KCNK13: variants seen among roughly 807,000 people sequenced by gnomAD.
KCNK13 encodes potassium two pore domain channel subfamily K member 13.
KCNK13 carries 12 observed loss-of-function variants against 23.4 expected under a neutral mutation model. That is an observed-to-expected ratio of 0.51 (90% CI 0.33 to 0.83). KCNK13 has a LOEUF of 0.83. Among genes scored for constraint, KCNK13 ranks in the 40% least tolerant of loss-of-function variants. The pLI is 0.02. For synonymous variants in KCNK13, 231 were observed against 229.5 expected, an observed-to-expected ratio of 1.01 and a Z score of -0.06; for missense variants, 463 against 556.3, an observed-to-expected ratio of 0.83 and a Z score of 1.69.
At chr14:90,072,410 A>T (rs1194847839) in intron 1 of KCNK13, among the ~76,000 whole-genome samples, 1 of 152,172 alleles carries the variant, frequency 6.6e-6, no homozygotes, top group African/African-American at 2.4e-5. Context: ...TGGAGAGAGC[A>T]GCCCCAACAC....
intron 1 of KCNK13, among the ~76,000 whole-genome samples, chr14:90,079,850 C>A (rs747216418): frequency 2.6e-4 from 40 of 152,206 alleles, no homozygotes; most frequent in Non-Finnish European, 4.6e-4. Context: ...GTTTTCATGA[C>A]AGACACTTAA....
chr14:90,161,062 T>C (rs1320605324), intron 1 of KCNK13, among the ~76,000 whole-genome samples: 1 of 152,062 alleles, frequency 6.6e-6, no homozygotes, highest in East Asian at 1.9e-4. Context: ...CATGGATGGA[T>C]AAATGGATAA....
rs1889494112 is a variant in KCNK13, at chr14:90,102,503, AC to A, written c.334+39967del. 5.3e-5 allele frequency among the ~76,000 whole-genome samples: 8 copies of A among 152,152 alleles called. No individual in the cohort carries two copies. The South Asian group carries it at 1.7e-3, about 32-fold the overall frequency. On this transcript the variant is annotated intron_variant, in intron 1 of 1. Transcript: ENST00000282146. Reference sequence around the variant, plus strand: ...TCTAGCACCCATCATCTCAATCCCTACCCTATGCAGCCACCTTCAGGATGTT... The same window carrying A: ...TCTAGCACCCATCATCTCAATCCCTACCTATGCAGCCACCTTCAGGATGTT...
intron 1 of KCNK13, among the ~76,000 whole-genome samples, chr14:90,099,275 C>T (rs1308623072): frequency 2.0e-5 from 3 of 152,120 alleles, no homozygotes; most frequent in Non-Finnish European, 4.4e-5. Context: ...GAGGAATGTT[C>T]AGGACTGTGC....
At chr14:90,063,272 CG>C (rs1360831462) in intron 1 of KCNK13, among the ~76,000 whole-genome samples, 5 of 151,996 alleles carry the variant, frequency 3.3e-5, no homozygotes, top group African/African-American at 1.2e-4. Context: ...GGGATGGAGG[CG>C]GGGGTAGGAC....
At chr14:90,087,129 C>CATATATATAT (rs141670518) in intron 1 of KCNK13, among the ~76,000 whole-genome samples, 10 of 124,680 alleles carry the variant, frequency 8.0e-5, no homozygotes, top group East Asian at 4.6e-4. Context: ...TATATATATA[C>CATATATATAT]ATATATATAT....
At chr14:90,064,992 G>T (rs1000175255) in intron 1 of KCNK13, among the ~76,000 whole-genome samples, 5 of 152,130 alleles carry the variant, frequency 3.3e-5, no homozygotes, top group African/African-American at 1.2e-4. Flanking sequence ...TGAAAAAGCT[G>T]AAGGTTCAGG....
At chr14:90,126,023 T>TAA (rs34865130) in intron 1 of KCNK13, among the ~76,000 whole-genome samples, 6 of 145,404 alleles carry the variant, frequency 4.1e-5, no homozygotes, top group African/African-American at 1.5e-4. Context: ...AGACGCTATT[T>TAA]AAAAAAAAAA....
At chr14:90,087,012 C>T (rs1043265500) in intron 1 of KCNK13, among the ~76,000 whole-genome samples, 1 of 151,458 alleles carries the variant, frequency 6.6e-6, no homozygotes, top group Non-Finnish European at 1.5e-5. Context: ...TCCATTCCCT[C>T]CACCTGATAG....
intron 1 of KCNK13, among the ~76,000 whole-genome samples, chr14:90,165,691 G>A (rs1352358160): frequency 6.6e-6 from 1 of 152,188 alleles, no homozygotes; most frequent in Non-Finnish European, 1.5e-5. Flanking sequence ...TAGAAGTTAA[G>A]AAGCACTGGA....
chr14:90,170,811 A>G (rs1890356848), intron 1 of KCNK13, among the ~76,000 whole-genome samples: 1 of 151,248 alleles, frequency 6.6e-6, no homozygotes, highest in Non-Finnish European at 1.5e-5. Context: ...GGGCAGGGGA[A>G]CAATCAGATA....
chr14:90,062,658 G>GA lies in KCNK13; in HGVS notation c.334+120dup. On this transcript the variant is annotated intron_variant, in intron 1 of 1. Transcript: ENST00000282146. This position sits in a 1 kb window ranked among gnomAD's most constrained non-coding sequence, Gnocchi z 4.5. ...TCTGGGCGCCCAGCCAGACTCCACT[G>GA]ACATGAGCTGTCGCCTGATCAACAG... 1 of 724,500 alleles carries GA rather than the reference G, an allele frequency of 1.4e-6. No individual in the cohort carries two copies. Among genetic ancestry groups the GA allele is most frequent in the South Asian group, 2.4e-5 (1 of 42,410 alleles). 44.9% of individuals were successfully genotyped at this position (724,500 alleles called of 1,614,324 possible). A position where few individuals can be genotyped will look rare whatever the true frequency, so the allele number is the denominator to read the frequency against.
At chr14:90,133,473 C>A (rs945866935) in intron 1 of KCNK13, among the ~76,000 whole-genome samples, 3 of 151,430 alleles carry the variant, frequency 2.0e-5, no homozygotes, top group Admixed American at 6.6e-5. Context: ...GAGATGGTTG[C>A]ACAACTCTGA....
Position 90,087,147 on chromosome 14 carries a change from TATATA to T in KCNK13, c.334+24609_334+24613del, listed in dbSNP as rs1331602438. The stretch of plus-strand genomic sequence containing the variant: ...ATATATACATATATATATATATATA[TATATA>T]TATTTTTTTTTTTTATTGAGATGGG... On this transcript the variant is annotated intron_variant, in intron 1 of 1. Transcript: ENST00000282146. Among the ~76,000 whole-genome samples the T allele has an allele frequency of 8.5e-3, 1,017 of 119,832 alleles. 22 individuals are homozygous for T. Among genetic ancestry groups the T allele is most frequent in the African/African-American group, 0.031 (927 of 29,882 alleles). 78.6% of individuals were successfully genotyped at this position (119,832 alleles called of 152,430 possible).
At chr14:90,111,033 A>G (rs2140412478) in intron 1 of KCNK13, among the ~76,000 whole-genome samples, 1 of 152,052 alleles carries the variant, frequency 6.6e-6, no homozygotes, top group East Asian at 1.9e-4. Flanking sequence ...AAAATCCCTG[A>G]ATCTCTGAGT....
intron 1 of KCNK13, among the ~76,000 whole-genome samples, chr14:90,077,867 A>C (rs1165239448): frequency 6.6e-6 from 1 of 152,124 alleles, no homozygotes; most frequent in Non-Finnish European, 1.5e-5. Flanking sequence ...CCTGTTTACT[A>C]TAAGCCACTC....
In KCNK13 at chr14:90,163,430, A is replaced by T. The variant is rs551364143; in HGVS notation, c.335-20681A>T. ...GAGAGCCTCTGAGATATGGTTCAGG[A>T]TTTAAATCATTCTCTTCAGTGCCTT... On this transcript the variant is annotated intron_variant, in intron 1 of 1. Coordinates refer to ENST00000282146, the MANE Select transcript of KCNK13 (RefSeq NM_022054.4). Among the ~76,000 whole-genome samples, 8 of 152,312 alleles carry T rather than the reference A, an allele frequency of 5.3e-5. No individual in the cohort carries two copies. The South Asian group carries it at 1.7e-3, about 32-fold the overall frequency.
In KCNK13 at chr14:90,185,065, G is replaced by T; in HGVS notation, c.*62G>T. 7.1e-7 allele frequency: 1 copy of T among 1,401,098 alleles called. No homozygotes were observed. 86.8% of individuals were successfully genotyped at this position (1,401,098 alleles called of 1,614,324 possible). ...AATGGAGGATGATTGCCGCCCAGGGGACGAGCTCAGCCCTGCGCCTTGGCT... is the reference window on the plus strand; with the variant it reads ...AATGGAGGATGATTGCCGCCCAGGGTACGAGCTCAGCCCTGCGCCTTGGCT... On this transcript the variant is annotated 3_prime_UTR_variant, in exon 2 of 2. Coordinates refer to ENST00000282146, the MANE Select transcript of KCNK13 (RefSeq NM_022054.4).
intron 1 of KCNK13, among the ~76,000 whole-genome samples, chr14:90,127,725 G>A (rs1249028453): frequency 1.3e-5 from 2 of 150,856 alleles, no homozygotes; most frequent in East Asian, 1.9e-4. Flanking sequence ...AGGCTGAGGC[G>A]GGAGGATCCC....
Sources: allele counts gnomAD v4.1 joint callset (sites outside exome capture counted in the v4.1 genomes callset), GRCh38; gene constraint gnomAD v4.1.1; non-coding constraint Gnocchi (gnomAD v3.1); transcripts MANE v1.5; gene names NCBI Gene and HGNC (gene_info 2026-07-23, HGNC 2026-07-21).